CSMD3: variants seen among roughly 807,000 people sequenced by gnomAD.
CSMD3 encodes the protein CUB and sushi domain-containing protein 3.
In CSMD3, 177 loss-of-function variants were observed where a neutral mutation model predicts 435.2. That is an observed-to-expected ratio of 0.41 (90% confidence interval 0.36 to 0.46). CSMD3 has a LOEUF of 0.46. Ranked by LOEUF, CSMD3 falls within the 20% of genes least tolerant of loss-of-function variation. The pLI, the probability that CSMD3 is intolerant of heterozygous loss-of-function variation, is 0.34. For synonymous variants in CSMD3, 1,656 were observed against 1,520.5 expected, an observed-to-expected ratio of 1.09 and a Z score of -2.07; for missense variants, 4,265 against 4,504.6, an observed-to-expected ratio of 0.95 and a Z score of 1.52.
chr8:113,192,933 C>G (rs991841308), intron 3 of CSMD3, among the ~76,000 whole-genome samples: 1 of 151,484 alleles, frequency 6.6e-6, no homozygotes, highest in African/African-American at 2.4e-5. Context: ...AATAAATGTT[C>G]TGAGTACAAG....
intron 32 of CSMD3, among the ~76,000 whole-genome samples, chr8:112,434,537 C>G (rs908223480): frequency 6.6e-6 from 1 of 152,026 alleles, no homozygotes; most frequent in Admixed American, 6.6e-5. Flanking sequence ...ATCTAAAATG[C>G]TGTATTGTTA....
chr8:113,207,552 T>G (rs28708547), intron 3 of CSMD3, among the ~76,000 whole-genome samples: 2,028 of 152,048 alleles, frequency 0.013, 51 homozygotes, highest in African/African-American at 0.047. Context: ...CAGGCTAATT[T>G]TTGTATTTTT....
intron 30 of CSMD3, among the ~76,000 whole-genome samples, 188 bp downstream of exon 30, chr8:112,503,602 T>C (rs1291428678): frequency 1.3e-5 from 2 of 152,316 alleles, no homozygotes; most frequent in African/African-American, 2.4e-5. Flanking sequence ...ATTAGAGAAA[T>C]GCTAATTTCC....
At chr8:112,279,609 A>G (rs1434804866) in intron 59 of CSMD3, among the ~76,000 whole-genome samples, 1 of 152,122 alleles carries the variant, frequency 6.6e-6, no homozygotes, top group African/African-American at 2.4e-5. Flanking sequence ...CCATCATATA[A>G]CACCTACTGA....
At chr8:112,986,456 A>C (rs1173262454) in intron 6 of CSMD3, among the ~76,000 whole-genome samples, 1 of 152,104 alleles carries the variant, frequency 6.6e-6, no homozygotes, top group East Asian at 1.9e-4. Context: ...ATCTAGGCAA[A>C]ACTCATGAAA....
In CSMD3 at chr8:112,482,161, C is replaced by T. The variant is rs541196286; in HGVS notation, c.5279-9454G>A. Among the ~76,000 whole-genome samples the T allele has an allele frequency of 2.5e-4, 38 of 152,278 alleles. No homozygotes were observed. The South Asian group carries it at 4.1e-3, about 17-fold the overall frequency. ...GATTTCCCTGGCTAGGAAGCCATCA[C>T]CTTCATCCCTCAGTGCTCTGTGAGC... On this transcript the variant is annotated intron_variant, in intron 31 of 70. Transcript: ENST00000297405.
chr8:112,840,183 G>C (rs2080139684), intron 11 of CSMD3, among the ~76,000 whole-genome samples: 1 of 151,644 alleles, frequency 6.6e-6, no homozygotes, highest in Non-Finnish European at 1.5e-5. Context: ...ATTCTCTCTG[G>C]AGCCAGTAGT....
rs1166713832 is a variant in CSMD3, at chr8:113,147,649, T to C, written c.709+26073A>G. On this transcript the variant is annotated intron_variant, in intron 4 of 70. Coordinates refer to ENST00000297405, the MANE Select transcript of CSMD3 (RefSeq NM_198123.2). The stretch of plus-strand genomic sequence containing the variant: ...GCTCAAGATCAATATAACTTACTCT[T>C]TTTGGTGTGAGTAGGTGTGTGGAGG... Among the ~76,000 whole-genome samples the C allele has an allele frequency of 4.0e-5, 6 of 151,602 alleles. No homozygotes were observed. The Admixed American group carries it at 4.0e-4, about 10-fold the overall frequency.
intron 9 of CSMD3, among the ~76,000 whole-genome samples, chr8:112,945,156 G>A (rs116207015): frequency 0.018 from 2,700 of 151,518 alleles, 75 homozygotes; most frequent in African/African-American, 0.062. Context: ...CTTGAAAATT[G>A]AGCCTCATCC....
intron 1 of CSMD3, among the ~76,000 whole-genome samples, chr8:113,364,201 T>C (rs768233816): frequency 5.9e-5 from 9 of 152,082 alleles, no homozygotes; most frequent in Non-Finnish European, 1.2e-4. Flanking sequence ...AAAAGAGCTG[T>C]TAGAGTGTGA....
chr8:112,589,661 C>T (rs746559994), intron 22 of CSMD3, among the ~76,000 whole-genome samples: 11 of 152,042 alleles, frequency 7.2e-5, no homozygotes, highest in Non-Finnish European at 1.2e-4. Flanking sequence ...CAAACTGTGA[C>T]TGAATATTCT....
At chr8:112,971,512 G>A (rs182033647) in intron 7 of CSMD3, among the ~76,000 whole-genome samples, 3 of 152,172 alleles carry the variant, frequency 2.0e-5, no homozygotes, top group Admixed American at 1.3e-4. Flanking sequence ...TCATTACTAT[G>A]TTTAATGCTT....
chr8:112,760,552 A>G, intron 13 of CSMD3, among the ~76,000 whole-genome samples: 1 of 152,326 alleles, frequency 6.6e-6, no homozygotes, highest in South Asian at 2.1e-4. Flanking sequence ...TTAATAAAAG[A>G]TTTATAATAT....
At position 112,410,662 on chromosome 8, in the gene CSMD3, G is replaced by GTA. The variant is rs1158383088; in HGVS notation, c.5396-1632_5396-1631dup. Among the ~76,000 whole-genome samples the GTA allele has an allele frequency of 1.9e-4, 18 of 93,588 alleles. 2 individuals carry two copies. The highest frequency in any genetic ancestry group is 4.4e-4 in the African/African-American group (10 of 22,568). 61.4% of individuals were successfully genotyped at this position (93,588 alleles called of 152,430 possible). A position where few individuals can be genotyped will look rare whatever the true frequency, so the allele number is the denominator to read the frequency against. On this transcript the variant is annotated intron_variant, in intron 32 of 70. Coordinates refer to ENST00000297405, the MANE Select transcript of CSMD3 (RefSeq NM_198123.2). ...TGTATATATATATGTGTATATATAT[G>GTA]TATATATATATGTGTATATATATAT...
chr8:113,102,553 A>G (rs1392911906), intron 4 of CSMD3, among the ~76,000 whole-genome samples: 1 of 152,182 alleles, frequency 6.6e-6, no homozygotes. Context: ...AAGAAGGAAC[A>G]TTTAGTACTA....
intron 6 of CSMD3, among the ~76,000 whole-genome samples, chr8:112,999,062 GATTTGACAAAAT>G (rs1157188225): frequency 2.0e-5 from 3 of 151,882 alleles, no homozygotes; most frequent in Non-Finnish European, 4.4e-5. Context: ...TCAATTTACT[GATTTGACAAAAT>G]ATTTGAGAAT....
intron 5 of CSMD3, among the ~76,000 whole-genome samples, chr8:113,087,225 T>C (rs748451462): frequency 4.6e-5 from 7 of 152,214 alleles, no homozygotes; most frequent in African/African-American, 7.2e-5. Flanking sequence ...ACCAACTTCT[T>C]ATTCAGAAGA....
chr8:113,098,393 A>G lies in CSMD3; in HGVS notation c.917+363T>C, dbSNP rs1435286882. ...CATATTCCCCCAGATGATGGTGTTTAATTTTTGCTTTCAGATAACAAGGTA... is the reference window on the plus strand; with the variant it reads ...CATATTCCCCCAGATGATGGTGTTTGATTTTTGCTTTCAGATAACAAGGTA... On this transcript the variant is annotated intron_variant, in intron 5 of 70. Coordinates refer to ENST00000297405, the MANE Select transcript of CSMD3 (RefSeq NM_198123.2). 1.8e-5 allele frequency: 4 copies of G among 223,802 alleles called. No homozygotes were observed. In the East Asian group the frequency reaches 4.6e-4, roughly 26 times the overall value. The allele number at this position is 223,802 out of a possible 1,614,324, so 13.9% of individuals were successfully genotyped here. A position where few individuals can be genotyped will look rare whatever the true frequency, so the allele number is the denominator to read the frequency against.
intron 17 of CSMD3, among the ~76,000 whole-genome samples, chr8:112,664,155 A>C (rs999697408): frequency 3.9e-5 from 6 of 152,192 alleles, no homozygotes; most frequent in Admixed American, 2.0e-4. Flanking sequence ...AAGAAATACG[A>C]AAATTATGTA....
Sources: allele counts gnomAD v4.1 joint callset (sites outside exome capture counted in the v4.1 genomes callset), GRCh38; gene constraint gnomAD v4.1.1; transcripts MANE v1.5; gene names NCBI Gene and HGNC (gene_info 2026-07-23, HGNC 2026-07-21).